ANXA1: variants seen among roughly 807,000 people sequenced by gnomAD.
ANXA1 encodes annexin I (lipocortin I).
A neutral mutation model predicts 47.9 loss-of-function variants in ANXA1; 39 were observed. The ratio of observed to expected loss-of-function variants is 0.81; its 90% confidence interval spans 0.63 to 1.06. The LOEUF (loss-of-function observed/expected upper bound fraction) is 1.06. Among genes scored for constraint, ANXA1 ranks in the 50% least tolerant of loss-of-function variants. The pLI is 0.00. For missense variants in ANXA1, 446 were observed against 422.7 expected (o/e 1.06, Z -0.48); for synonymous variants, 146 against 142.5 (o/e 1.02, Z -0.17).
rs751487052 is a variant in ANXA1, at chr9:73,166,051, A to G, written c.707-46A>G. ...CCTTGATTTTGCTAAAGCTTTCTAA[A>G]GAAAAGGATGTTTTGCATGTATCTT... On this transcript the variant is annotated intron_variant, in intron 9 of 12. Coordinates refer to ENST00000257497, the MANE Select transcript of ANXA1 (RefSeq NM_000700.3). 3 of 1,459,408 alleles carry G rather than the reference A, an allele frequency of 2.1e-6. No individual in the cohort carries two copies. In the South Asian group the frequency reaches 3.7e-5, roughly 18 times the overall value. The allele number at this position is 1,459,408 out of a possible 1,614,324, so 90.4% of individuals were successfully genotyped here.
At chr9:73,157,751 C>G (rs1824072242) in intron 1 of ANXA1, 1 of 149,002 alleles carries the variant, frequency 6.7e-6, no homozygotes, top group Admixed American at 6.7e-5. Context: ...GTCTAATGGT[C>G]TACTAAATAG....
intron 11 of ANXA1, 127 bp from the exon 12 acceptor site, chr9:73,168,904 TG>T: frequency 1.4e-6 from 1 of 695,622 alleles, no homozygotes. Flanking sequence ...TGTGTGTGTG[TG>T]TGTGTGTATA....
intron 9 of ANXA1, 194 bp downstream of exon 9, chr9:73,165,403 A>G (rs1161092364): frequency 2.2e-6 from 1 of 445,634 alleles, no homozygotes; most frequent in African/African-American, 2.0e-5. Flanking sequence ...CATATTTAAT[A>G]CATTTTGTGA....
chr9:73,164,410 TTTGAATAA>T (rs1824192994), intron 8 of ANXA1, among the ~76,000 whole-genome samples: 1 of 152,158 alleles, frequency 6.6e-6, no homozygotes, highest in Non-Finnish European at 1.5e-5. Flanking sequence ...AGAGTTAGCA[TTTGAATAA>T]TTGCCCATAA....
At chr9:73,153,532 A>G (rs2118127692) in intron 1 of ANXA1, among the ~76,000 whole-genome samples, 2 of 152,288 alleles carry the variant, frequency 1.3e-5, no homozygotes, top group Admixed American at 6.5e-5. Context: ...CTGTAAATGG[A>G]TCTTAGATGA....
chr9:73,168,987 G>A lies in ANXA1; in HGVS notation c.862-45G>A, dbSNP rs371626610. 160 of 1,559,772 alleles carry A rather than the reference G, an allele frequency of 1.0e-4. 1 individual carries two copies. Among genetic ancestry groups the A allele is most frequent in the Non-Finnish European group, 1.2e-4 (142 of 1,155,748 alleles). ...TTTAAAATTCATGTTTTTAATGAGA[G>A]TATTTTCTGAATATGAGACACTTAC... On this transcript the variant is annotated intron_variant, in intron 11 of 12. Coordinates refer to ENST00000257497, the MANE Select transcript of ANXA1 (RefSeq NM_000700.3).
Position 73,166,119 on chromosome 9 carries a change from C to G in ANXA1, c.729C>G (p.Tyr243Ter). ...LRRVFQKYTK[Y>*]SKHDMNKVLD... ...CAGTGTTTCAGAAATACACCAAGTA[C>G]AGTAAGCATGACATGAACAAAGTTC... is the stretch of plus-strand genomic sequence containing the variant. The change falls in exon 10 of 13, where the codon TAC becomes TAG. Residue 243 changes from tyrosine (Y) to a stop codon, truncating the protein, a stop_gained. Coordinates refer to ENST00000257497, the MANE Select transcript of ANXA1 (RefSeq NM_000700.3). LOFTEE classifies it high-confidence loss of function. 2 of 1,611,092 alleles carry G rather than the reference C, an allele frequency of 1.2e-6. No individual in the cohort carries two copies. Among genetic ancestry groups the G allele is most frequent in the African/African-American group, 2.7e-5 (2 of 74,906 alleles).
chr9:73,159,564 T>A, intron 4 of ANXA1, 141 bp downstream of exon 4: 2 of 578,966 alleles, frequency 3.5e-6, no homozygotes, highest in Non-Finnish European at 5.7e-6. Context: ...GCAGTGTTTA[T>A]CCACTTTGTT....
Position 73,170,250 on chromosome 9 carries a change from T to C in ANXA1, c.*143T>C, listed in dbSNP as rs992753435. The C allele has an allele frequency of 3.5e-6, 2 of 566,082 alleles. No homozygotes were observed. Among genetic ancestry groups the C allele is most frequent in the African/African-American group, 3.8e-5 (2 of 53,158 alleles). 35.1% of individuals were successfully genotyped at this position (566,082 alleles called of 1,614,324 possible). A position where few individuals can be genotyped will look rare whatever the true frequency, so the allele number is the denominator to read the frequency against. ...AAAAATATAGCCTTTAAATCATTTT[T>C]ATATTATAACTCTGTATAATAGAGA... is the stretch of plus-strand genomic sequence containing the variant. On this transcript the variant is annotated 3_prime_UTR_variant, in exon 13 of 13. Coordinates refer to ENST00000257497, the MANE Select transcript of ANXA1 (RefSeq NM_000700.3).
chr9:73,168,322 A>G (rs1824266400), intron 11 of ANXA1: 1 of 152,170 alleles, frequency 6.6e-6, no homozygotes, highest in Admixed American at 6.6e-5. Context: ...GTCTAGTGTG[A>G]TATTTCGTTG....
chr9:73,167,251 C>G (rs557209470), intron 10 of ANXA1, among the ~76,000 whole-genome samples: 1 of 152,200 alleles, frequency 6.6e-6, no homozygotes, highest in South Asian at 2.1e-4. Context: ...ACTGAAGTTG[C>G]TCTTGAGATG....
At chr9:73,163,410 A>T in intron 7 of ANXA1, 66 bp from the exon 8 acceptor site, 1 of 1,450,316 alleles carries the variant, frequency 6.9e-7, no homozygotes, top group East Asian at 2.3e-5. Flanking sequence ...TGAGTTTAAG[A>T]TAATTAAGTA....
intron 6 of ANXA1, among the ~76,000 whole-genome samples, chr9:73,161,394 A>G (rs1287133630): frequency 6.6e-6 from 1 of 152,194 alleles, no homozygotes; most frequent in Admixed American, 6.6e-5. Context: ...CGTTATGAAC[A>G]TAAGAGACTC....
chr9:73,170,029 A>G (rs1484772881), intron 12 of ANXA1, 22 bp from the exon 13 acceptor site: 3 of 1,583,854 alleles, frequency 1.9e-6, no homozygotes, highest in Non-Finnish European at 2.6e-6. Context: ...AACATTAAGT[A>G]TACCTTTTTT....
chr9:73,168,776 T>C (rs1824274505), intron 11 of ANXA1: 1 of 297,758 alleles, frequency 3.4e-6, no homozygotes, highest in Non-Finnish European at 6.3e-6. Flanking sequence ...TTGGACAGTG[T>C]AGAGACCGGA....
chr9:73,163,612 C>G, intron 8 of ANXA1, 80 bp downstream of exon 8: 1 of 1,436,084 alleles, frequency 7.0e-7, no homozygotes, highest in Non-Finnish European at 9.7e-7. Flanking sequence ...CCTGTGAAAG[C>G]AAATCTAAGA....
intron 1 of ANXA1, 42 bp from the exon 2 acceptor site, chr9:73,158,480 G>A: frequency 2.7e-6 from 4 of 1,459,268 alleles, no homozygotes; most frequent in Non-Finnish European, 3.8e-6. Context: ...GTTGTGTGTG[G>A]TGCATTTGTT....
At chr9:73,164,967 C>G (rs1824202392) in intron 8 of ANXA1, 149 bp from the exon 9 acceptor site, 1 of 581,652 alleles carries the variant, frequency 1.7e-6, no homozygotes, top group Non-Finnish European at 3.0e-6. Context: ...AGGTCCCTAT[C>G]TTTAAAGAAC....
At chr9:73,153,834 C>T (rs1318913603) in intron 1 of ANXA1, among the ~76,000 whole-genome samples, 3 of 152,020 alleles carry the variant, frequency 2.0e-5, no homozygotes, top group Non-Finnish European at 2.9e-5. Context: ...TATGTTAGCA[C>T]GGGCCTCATG....
Sources: gnomAD v4.1 joint callset for allele counts (sites outside exome capture counted in the v4.1 genomes callset) on GRCh38, gnomAD v4.1.1 for gene constraint, MANE v1.5 for transcripts, NCBI Gene and HGNC (gene_info 2026-07-23, HGNC 2026-07-21) for gene names.